Variants in PSMD13 observed in about 807,000 individuals in gnomAD.
PSMD13 encodes 26S proteasome non-ATPase regulatory subunit 13.
Under a neutral mutation model 57.4 loss-of-function variants are expected in PSMD13, and 8 were observed. That is an observed-to-expected ratio of 0.14 (90% CI 0.08 to 0.25). PSMD13 has a LOEUF of 0.25. PSMD13 is among the 10% of genes least tolerant of loss of function. The pLI, the probability that PSMD13 is intolerant of heterozygous loss-of-function variation, is 1.00. For missense variants in PSMD13, 400 were observed against 461.5 expected, an observed-to-expected ratio of 0.87 and a Z score of 1.22; for synonymous variants, 193 against 168.2, an observed-to-expected ratio of 1.15 and a Z score of -1.14.
chr11:241,433 G>A (rs1166850631), intron 2 of PSMD13, among the ~76,000 whole-genome samples: 4 of 152,132 alleles, frequency 2.6e-5, no homozygotes, highest in Admixed American at 6.5e-5. Context: ...CCACAGCACC[G>A]GGACAAAAAT....
chr11:250,952 A>G, intron 10 of PSMD13, 87 bp downstream of exon 10: 3 of 1,223,668 alleles, frequency 2.5e-6, no homozygotes, highest in South Asian at 1.2e-5. Context: ...TGTGCTGAGC[A>G]GTGTGAGCTT....
chr11:252,323 C>T lies in PSMD13; in HGVS notation c.1036-182C>T, dbSNP rs1859779913. 1 of 589,884 alleles carries T rather than the reference C, an allele frequency of 1.7e-6. No individual in the cohort carries two copies. The highest frequency in any genetic ancestry group is 3.0e-6 in the Non-Finnish European group (1 of 329,718). 36.5% of individuals were successfully genotyped at this position (589,884 alleles called of 1,614,324 possible). On this transcript the variant is annotated intron_variant, in intron 12 of 12. Transcript: ENST00000532097. The surrounding 1 kb of genome is among the most constrained non-coding windows in gnomAD (Gnocchi z 4.1). ...TTCATGCAAGTTTTTTCTAACGTTC[C>T]TGTGAAAAGAATTAACCCGGCAAGT... is the stretch of plus-strand genomic sequence containing the variant.
chr11:249,621 A>AGAGCGGCGGGTGCGGGGGGG (rs1859734139), intron 9 of PSMD13, among the ~76,000 whole-genome samples: 1 of 63,008 alleles, frequency 1.6e-5, no homozygotes. Context: ...GTGCGGGGAG[A>AGAGCGGCGGGTGCGGGGGGG]GGGAGAGGTC....
intron 6 of PSMD13, among the ~76,000 whole-genome samples, chr11:245,085 C>T (rs1249024011): frequency 6.6e-6 from 1 of 152,036 alleles, no homozygotes; most frequent in Non-Finnish European, 1.5e-5. Flanking sequence ...GAATTACAGG[C>T]GCGTGCCTCC....
chr11:245,688 G>A (rs1859628155), intron 6 of PSMD13, among the ~76,000 whole-genome samples: 1 of 94,620 alleles, frequency 1.1e-5, no homozygotes, highest in Non-Finnish European at 2.1e-5. Context: ...GTGTTTGCAT[G>A]TGTGTTCGTG....
chr11:245,128 A>T (rs958789346), intron 6 of PSMD13, among the ~76,000 whole-genome samples: 1 of 152,204 alleles, frequency 6.6e-6, no homozygotes, highest in Admixed American at 6.5e-5. Context: ...TTTTTAGTAG[A>T]GACAGGGTTT....
At chr11:244,961 G>T (rs6598059) in intron 6 of PSMD13, among the ~76,000 whole-genome samples, 200 bp downstream of exon 6, 1 of 145,830 alleles carries the variant, frequency 6.9e-6, no homozygotes, top group Non-Finnish European at 1.5e-5. Context: ...TTTTTTTAAA[G>T]ACGGAGTCTC....
rs1461921596 is a variant in PSMD13 at position 249,181 on chromosome 11, G to A, written c.774+124G>A. 8 of 1,362,838 alleles carry A rather than the reference G, an allele frequency of 5.9e-6. No individual in the cohort carries two copies. The African/African-American group carries it at 7.2e-5, about 12-fold the overall frequency. The allele number at this position is 1,362,838 out of a possible 1,614,324, so 84.4% of individuals were successfully genotyped here. A position where few individuals can be genotyped will look rare whatever the true frequency, so the allele number is the denominator to read the frequency against. ...ACAGGGCAAAGAGGAGACCAAGATA[G>A]GCTAGTCCTTGCTCTCATAGAGCAG... On this transcript the variant is annotated intron_variant, in intron 9 of 12. Coordinates refer to ENST00000532097, the MANE Select transcript of PSMD13 (RefSeq NM_002817.4).
intron 9 of PSMD13, among the ~76,000 whole-genome samples, chr11:250,382 T>C (rs1161323051): frequency 6.6e-6 from 1 of 152,222 alleles, no homozygotes; most frequent in African/African-American, 2.4e-5. Context: ...AAGGAAGCTT[T>C]TCCTCAGAGG....
At chr11:248,683 TG>T in intron 7 of PSMD13, 92 bp from the exon 8 acceptor site, 2 of 1,222,354 alleles carry the variant, frequency 1.6e-6, no homozygotes, top group Non-Finnish European at 2.4e-6. Context: ...TTACAAACAA[TG>T]TTTTTTTACT....
At chr11:237,536 T>C (rs1859334324) in intron 1 of PSMD13, among the ~76,000 whole-genome samples, 1 of 152,224 alleles carries the variant, frequency 6.6e-6, no homozygotes, top group South Asian at 2.1e-4. Flanking sequence ...CCACCCACTT[T>C]GGGAAACATG....
intron 2 of PSMD13, among the ~76,000 whole-genome samples, chr11:242,174 G>T (rs1310134593): frequency 6.8e-6 from 1 of 146,802 alleles, no homozygotes; most frequent in African/African-American, 2.5e-5. Flanking sequence ...TCACTGTATT[G>T]TCATTTATTT....
intron 2 of PSMD13, chr11:243,290 C>T (rs1321358629): frequency 9.7e-6 from 4 of 414,266 alleles, no homozygotes; most frequent in Non-Finnish European, 1.9e-5. Flanking sequence ...CCAGATTCTG[C>T]TTTTATATTG....
In PSMD13 at chr11:251,867, C is replaced by T; in HGVS notation, c.966C>T (p.Gly322=). Reference sequence around the variant, plus strand: ...CCCTTTCGGTGGGGCTGGTGAAAGGCAGTATAGACGAGGTGGACAAACGAG... The same window carrying T: ...CCCTTTCGGTGGGGCTGGTGAAAGGTAGTATAGACGAGGTGGACAAACGAG... ...MKALSVGLVK[G]SIDEVDKRVH... Residue 322 remains glycine (G), a synonymous_variant, in exon 12 of 13, where the codon GGC becomes GGT. Coordinates refer to ENST00000532097, the MANE Select transcript of PSMD13 (RefSeq NM_002817.4). This position sits in a 1 kb window ranked among gnomAD's most constrained non-coding sequence, Gnocchi z 4.6. The T allele has an allele frequency of 6.2e-7, 1 of 1,614,196 alleles. No individual in the cohort carries two copies.
rs752495596 is a variant in PSMD13, at chr11:252,620, G to A, written c.*20G>A. ...ACCTAGGGCCCCCTGGTTCCCCGTC[G>A]TGTCTCCTTTGACTCACCTGAGAGA... On this transcript the variant is annotated 3_prime_UTR_variant, in exon 13 of 13. Coordinates refer to ENST00000532097, the MANE Select transcript of PSMD13 (RefSeq NM_002817.4). This position sits in a 1 kb window ranked among gnomAD's most constrained non-coding sequence, Gnocchi z 4.1. 34 of 1,611,248 alleles carry A rather than the reference G, an allele frequency of 2.1e-5. No individual in the cohort carries two copies. Among genetic ancestry groups the A allele is most frequent in the South Asian group, 3.3e-5 (3 of 91,028 alleles).
chr11:248,530 A>G, intron 7 of PSMD13: 1 of 513,664 alleles, frequency 1.9e-6, no homozygotes, highest in Non-Finnish European at 3.5e-6. Flanking sequence ...AGCTGAAAAT[A>G]TGAATAGATT....
At chr11:238,579 G>T (rs1487352368) in intron 1 of PSMD13, among the ~76,000 whole-genome samples, 1 of 152,184 alleles carries the variant, frequency 6.6e-6, no homozygotes, top group Non-Finnish European at 1.5e-5. Flanking sequence ...GCTGAGGCAG[G>T]AGAATCACTT....
At chr11:244,291 T>C in intron 4 of PSMD13, 75 bp downstream of exon 4, 1 of 1,589,384 alleles carries the variant, frequency 6.3e-7, no homozygotes, top group East Asian at 2.2e-5. Context: ...AACTGAACTT[T>C]TGTGTTTTCT....
intron 2 of PSMD13, among the ~76,000 whole-genome samples, chr11:240,432 G>C (rs1859490380): frequency 6.6e-6 from 1 of 152,102 alleles, no homozygotes; most frequent in African/African-American, 2.4e-5. Flanking sequence ...CTTAATACTT[G>C]TTCCCTAAGG....
Sources: allele counts gnomAD v4.1 joint callset (sites outside exome capture counted in the v4.1 genomes callset), GRCh38; gene constraint gnomAD v4.1.1; non-coding constraint Gnocchi (gnomAD v3.1); transcripts MANE v1.5; gene names NCBI Gene and HGNC (gene_info 2026-07-23, HGNC 2026-07-21).